Variants in CRPPA observed in about 807,000 individuals in gnomAD.
The protein encoded by CRPPA is D-ribitol-5-phosphate cytidylyltransferase.
In CRPPA, 43 loss-of-function variants were observed where a neutral mutation model predicts 52.0. The observed-to-expected ratio is 0.83, with a 90% CI of 0.65 to 1.07. The LOEUF is 1.07. Among genes scored for constraint, CRPPA ranks in the 50% least tolerant of loss-of-function variants. CRPPA has a pLI of 0.00. For missense variants in CRPPA, 629 were observed against 551.7 expected (o/e 1.14, Z -1.40); for synonymous variants, 250 against 203.5 (o/e 1.23, Z -1.94).
At chr7:16,409,562 G>C (rs1004750489) in intron 1 of CRPPA, among the ~76,000 whole-genome samples, 2 of 152,184 alleles carry the variant, frequency 1.3e-5, no homozygotes, top group African/African-American at 2.4e-5. Flanking sequence ...GTCTATTCTA[G>C]AAGTAATCAT....
chr7:16,231,661 T>A (rs1160904151), intron 8 of CRPPA, among the ~76,000 whole-genome samples: 2 of 152,048 alleles, frequency 1.3e-5, no homozygotes, highest in African/African-American at 4.8e-5. Context: ...CATAAAAAAA[T>A]TTCCAAAAAT....
At chr7:16,399,563 C>A (rs535623364) in intron 2 of CRPPA, among the ~76,000 whole-genome samples, 1 of 151,804 alleles carries the variant, frequency 6.6e-6, no homozygotes, top group South Asian at 2.1e-4. Flanking sequence ...AATGACATGA[C>A]ACGTTTGTGA....
chr7:16,120,190 A>G (rs1782453987), intron 9 of CRPPA, among the ~76,000 whole-genome samples: 1 of 152,220 alleles, frequency 6.6e-6, no homozygotes, highest in Admixed American at 6.5e-5. Context: ...GGCTCCTTTA[A>G]GCCCTTCAGG....
chr7:16,095,487 T>A (rs559345710), intron 9 of CRPPA, among the ~76,000 whole-genome samples: 2 of 152,336 alleles, frequency 1.3e-5, no homozygotes, highest in Non-Finnish European at 2.9e-5. Flanking sequence ...ATTACCTTTA[T>A]GAAGTAAACT....
intron 9 of CRPPA, among the ~76,000 whole-genome samples, chr7:16,109,412 A>G (rs1258904167): frequency 6.6e-6 from 1 of 151,982 alleles, no homozygotes; most frequent in Non-Finnish European, 1.5e-5. Context: ...GTGAATCAAG[A>G]ATAAAAAGTC....
At chr7:16,210,711 G>A (rs1190632835) in intron 9 of CRPPA, 1 of 152,090 alleles carries the variant, frequency 6.6e-6, no homozygotes, top group African/African-American at 2.4e-5. Flanking sequence ...AATAAATGTT[G>A]GGTTATATAG....
chr7:16,165,864 C>T (rs1050296862), intron 9 of CRPPA, among the ~76,000 whole-genome samples: 1 of 152,192 alleles, frequency 6.6e-6, no homozygotes, highest in Non-Finnish European at 1.5e-5. Context: ...TACTATAACA[C>T]TTCATAACCC....
chr7:16,376,194 A>G lies in CRPPA; in HGVS notation c.582T>C (p.Ser194=). ...GCGAGTAGTCTAAGCAACCATCAGC[A>G]GATGGACTGACGACAGTAGATACAA... is the stretch of plus-strand genomic sequence containing the variant. ...RPLVSTVVSP[S]ADGCLDYSLE... is the part of the protein sequence containing the mutation. The change falls in exon 3 of 10, where the codon TCT becomes TCC. Residue 194 remains serine (S), a synonymous_variant. Transcript: ENST00000407010. The G allele has an allele frequency of 6.2e-7, 1 of 1,613,340 alleles. No homozygotes were observed. Among genetic ancestry groups the G allele is most frequent in the Non-Finnish European group, 8.5e-7 (1 of 1,179,540 alleles).
intron 1 of CRPPA, among the ~76,000 whole-genome samples, chr7:16,412,059 G>C (rs1788087575): frequency 6.6e-6 from 1 of 152,112 alleles, no homozygotes; most frequent in Admixed American, 6.5e-5. Context: ...AATTTTACTA[G>C]ATTGCCTTAA....
At chr7:16,107,297 C>T (rs1217471607) in intron 9 of CRPPA, among the ~76,000 whole-genome samples, 1 of 152,010 alleles carries the variant, frequency 6.6e-6, no homozygotes, top group Non-Finnish European at 1.5e-5. Context: ...CAATGCAACC[C>T]AGAAAGAAGT....
At chr7:16,261,688 TTCCC>T (rs1451060834) in intron 6 of CRPPA, among the ~76,000 whole-genome samples, 2 of 152,028 alleles carry the variant, frequency 1.3e-5, no homozygotes, top group Non-Finnish European at 2.9e-5. Context: ...GGTTCATACT[TTCCC>T]TCACAGATCT....
At chr7:16,286,473 C>G (rs1347093986) in intron 5 of CRPPA, among the ~76,000 whole-genome samples, 1 of 152,056 alleles carries the variant, frequency 6.6e-6, no homozygotes, top group Non-Finnish European at 1.5e-5. Flanking sequence ...CATTCTTCAC[C>G]AGATAACTAA....
chr7:16,250,316 G>A (rs1037984530), intron 8 of CRPPA, among the ~76,000 whole-genome samples: 3 of 152,164 alleles, frequency 2.0e-5, no homozygotes, highest in Admixed American at 2.0e-4. Flanking sequence ...TATTAATCAG[G>A]AGAATTTCTG....
chr7:16,131,236 A>C (rs572057827), intron 9 of CRPPA, among the ~76,000 whole-genome samples: 1 of 152,320 alleles, frequency 6.6e-6, no homozygotes, highest in African/African-American at 2.4e-5. Flanking sequence ...AGGTGCATAC[A>C]AGAAAAAGCA....
chr7:16,288,711 G>T (rs1165059730), intron 5 of CRPPA, among the ~76,000 whole-genome samples: 1 of 151,662 alleles, frequency 6.6e-6, no homozygotes, highest in Admixed American at 6.6e-5. Context: ...GCCAGGCATG[G>T]TTATACATGC....
intron 8 of CRPPA, among the ~76,000 whole-genome samples, chr7:16,249,855 G>A (rs1472205820): frequency 6.6e-6 from 1 of 152,126 alleles, no homozygotes; most frequent in African/African-American, 2.4e-5. Context: ...CGCCAGCAAG[G>A]GAACAAAACT....
At chr7:16,378,089 T>C (rs984989929) in intron 2 of CRPPA, among the ~76,000 whole-genome samples, 2 of 151,612 alleles carry the variant, frequency 1.3e-5, no homozygotes, top group African/African-American at 4.9e-5. Flanking sequence ...TGGTGATTTT[T>C]CCTTTTTTTT....
At chr7:16,276,175 T>C (rs1784200410) in intron 6 of CRPPA, among the ~76,000 whole-genome samples, 1 of 151,800 alleles carries the variant, frequency 6.6e-6, no homozygotes, top group Admixed American at 6.6e-5. Context: ...CTCAGGAGAA[T>C]GTAATAGCTG....
Position 16,421,195 on chromosome 7 carries a change from T to A in CRPPA, c.128A>T (p.His43Leu), listed in dbSNP as rs900799986. The change falls in exon 1 of 10, where the codon CAC becomes CTC. Residue 43 changes from histidine to leucine, a missense_variant. His to Leu is a moderately conservative substitution (Grantham distance 99). Transcript: ENST00000407010. ...QSVAGTEPGR[H>L]PQAVAAVLPA... ...CAACACAGCTGCCACGGCTTGCGGG[T>A]GGCGCCCGGGCTCGGTCCCGGCCAC... 1 of 1,340,792 alleles carries A rather than the reference T, an allele frequency of 7.5e-7. No homozygotes were observed. Among genetic ancestry groups the A allele is most frequent in the Non-Finnish European group, 9.6e-7 (1 of 1,040,294 alleles). The allele number at this position is 1,340,792 out of a possible 1,614,324, so 83.1% of individuals were successfully genotyped here. A position where few individuals can be genotyped will look rare whatever the true frequency, so the allele number is the denominator to read the frequency against.
Sources: allele counts gnomAD v4.1 joint callset (sites outside exome capture counted in the v4.1 genomes callset), GRCh38; gene constraint gnomAD v4.1.1; transcripts MANE v1.5; gene names NCBI Gene and HGNC (gene_info 2026-07-23, HGNC 2026-07-21).